Variants in NAV3 observed in about 807,000 individuals in gnomAD.
NAV3 encodes the protein neuron navigator 3, also known as pore membrane and/or filament interacting like protein 1.
NAV3 carries 87 observed loss-of-function variants against 244.7 expected under a neutral mutation model. The ratio of observed to expected loss-of-function variants is 0.36; its 90% CI spans 0.30 to 0.42. The LOEUF (loss-of-function observed/expected upper bound fraction) is 0.42, where lower values mean the gene tolerates loss of function less well. Ranked by LOEUF, NAV3 falls within the 20% of genes least tolerant of loss-of-function variation. The pLI, the probability that NAV3 is intolerant of heterozygous loss-of-function variation, is 1.00. For synonymous variants in NAV3, 1,126 were observed against 1,042.2 expected, an observed-to-expected ratio of 1.08 and a Z score of -1.55; for missense variants, 2,663 against 2,893.3, an observed-to-expected ratio of 0.92 and a Z score of 1.83.
chr12:77,609,377 T>A lies in NAV3; in HGVS notation c.72+37111T>A, dbSNP rs149126935. Among the ~76,000 whole-genome samples the A allele has an allele frequency of 5.0e-3, 759 of 152,184 alleles. 3 individuals are homozygous for A. The highest frequency in any genetic ancestry group is 8.2e-3 in the Non-Finnish European group (560 of 67,988). On this transcript the variant is annotated intron_variant, in intron 2 of 8. Transcript: ENST00000550042. Reference sequence around the variant, plus strand: ...TACAAAGCAATATTACCTGGAGAATTTTTTTCTATGGATTAAGAGACATCA... The same window carrying A: ...TACAAAGCAATATTACCTGGAGAATATTTTTCTATGGATTAAGAGACATCA...
At chr12:77,697,260 C>T (rs1269111522) in intron 2 of NAV3, among the ~76,000 whole-genome samples, 1 of 152,146 alleles carries the variant, frequency 6.6e-6, no homozygotes, top group Non-Finnish European at 1.5e-5. Context: ...TCATCCACCC[C>T]CCTCTTCCTT....
intron 20 of NAV3, among the ~76,000 whole-genome samples, chr12:78,144,066 G>C (rs1424519133): frequency 6.6e-6 from 1 of 152,110 alleles, no homozygotes; most frequent in East Asian, 1.9e-4. Context: ...TATTAGCCTT[G>C]TCCTGTTAGG....
At chr12:77,687,029 A>T (rs1245369201) in intron 2 of NAV3, among the ~76,000 whole-genome samples, 2 of 152,088 alleles carry the variant, frequency 1.3e-5, no homozygotes, top group Non-Finnish European at 2.9e-5. Flanking sequence ...CTTCTGGGCA[A>T]GTTATATTAA....
At chr12:78,054,107 C>T (rs1409774383) in intron 11 of NAV3, among the ~76,000 whole-genome samples, 1 of 152,000 alleles carries the variant, frequency 6.6e-6, no homozygotes, top group Non-Finnish European at 1.5e-5. Context: ...AAGTACTAAA[C>T]CCTCACATGA....
At chr12:77,580,127 C>G (rs1869283282) in intron 2 of NAV3, among the ~76,000 whole-genome samples, 1 of 152,050 alleles carries the variant, frequency 6.6e-6, no homozygotes, top group East Asian at 1.9e-4. Flanking sequence ...TTAGATTTCC[C>G]TCTCCAAACT....
Position 77,843,397 on chromosome 12 carries a change from T to TTGTG in NAV3, c.243+11713_243+11716dup, listed in dbSNP as rs58382126. ...AACTTTCCTTGTTTTTGTTAATCAT[T>TTGTG]TGTGTGTGTGTGTGTGTGTGTGTTT... On this transcript the variant is annotated intron_variant, in intron 1 of 39. Transcript: ENST00000397909. Among the ~76,000 whole-genome samples, 54 of 147,926 alleles carry TTGTG rather than the reference T, an allele frequency of 3.7e-4. 1 individual carries two copies. Among genetic ancestry groups the TTGTG allele is most frequent in the Admixed American group, 1.1e-3 (17 of 14,900 alleles).
intron 1 of NAV3, among the ~76,000 whole-genome samples, chr12:77,907,633 A>C (rs1886130521): frequency 6.6e-6 from 1 of 152,114 alleles, no homozygotes; most frequent in African/African-American, 2.4e-5. Flanking sequence ...GAAGGAGAAA[A>C]GACTTTTATA....
At position 77,831,195 on chromosome 12, in the gene NAV3, C is replaced by CAGAGAGAGAGAGAGAGAGAG. The variant is rs71088342; in HGVS notation, c.-263_-244dup. On this transcript the variant is annotated 5_prime_UTR_variant, in exon 1 of 40. Transcript: ENST00000397909. ...AGAGAGAGAGAGAGAGAGAGAGAGACAGAGAGAGAGAGAGAGAGAGAGAAA... is the reference window on the plus strand; with the variant it reads ...AGAGAGAGAGAGAGAGAGAGAGAGACAGAGAGAGAGAGAGAGAGAGAGAGAGAGAGAGAGAGAGAGAGAAA... The CAGAGAGAGAGAGAGAGAGAG allele has an allele frequency of 2.1e-5, 3 of 143,160 alleles. No homozygotes were observed. Among genetic ancestry groups the CAGAGAGAGAGAGAGAGAGAG allele is most frequent in the Admixed American group, 7.6e-5 (1 of 13,234 alleles). 8.9% of individuals were successfully genotyped at this position (143,160 alleles called of 1,614,324 possible).
chr12:78,155,974 C>A (rs1397163854), intron 22 of NAV3, among the ~76,000 whole-genome samples: 1 of 152,122 alleles, frequency 6.6e-6, no homozygotes, highest in African/African-American at 2.4e-5. Context: ...ATGATAGTTT[C>A]TTTTGCTATG....
At chr12:77,727,165 T>A (rs1876916638) in intron 2 of NAV3, among the ~76,000 whole-genome samples, 1 of 151,878 alleles carries the variant, frequency 6.6e-6, no homozygotes. Flanking sequence ...ATGATTCCAT[T>A]TACTAGGACT....
chr12:77,793,269 A>G (rs893324533), intron 2 of NAV3, among the ~76,000 whole-genome samples: 3 of 152,192 alleles, frequency 2.0e-5, no homozygotes, highest in Non-Finnish European at 4.4e-5. Flanking sequence ...TTTGCTTAAG[A>G]TTTGAAAAAG....
At chr12:78,034,013 A>G (rs1242745141) in intron 9 of NAV3, among the ~76,000 whole-genome samples, 2 of 152,244 alleles carry the variant, frequency 1.3e-5, no homozygotes, top group East Asian at 1.9e-4. Context: ...GCTGTAACAA[A>G]CAGAGTGGAC....
At chr12:77,982,487 A>T (rs1253996826) in intron 5 of NAV3, among the ~76,000 whole-genome samples, 1 of 152,180 alleles carries the variant, frequency 6.6e-6, no homozygotes, top group Non-Finnish European at 1.5e-5. Context: ...CTCAGTGATC[A>T]AAGTTAGAGG....
intron 3 of NAV3, among the ~76,000 whole-genome samples, chr12:77,947,919 T>C (rs1890513209): frequency 1.3e-5 from 2 of 152,048 alleles, no homozygotes; most frequent in Admixed American, 1.3e-4. Flanking sequence ...GTGTGTTTTG[T>C]TAAAAGAACA....
chr12:77,945,533 T>A (rs961063053), intron 3 of NAV3, among the ~76,000 whole-genome samples: 7 of 152,304 alleles, frequency 4.6e-5, no homozygotes, highest in African/African-American at 1.7e-4. Context: ...TAGGGTATAA[T>A]GTACTATATT....
At chr12:77,806,425 C>T (rs1482522991) in intron 2 of NAV3, among the ~76,000 whole-genome samples, 2 of 152,004 alleles carry the variant, frequency 1.3e-5, no homozygotes, top group East Asian at 1.9e-4. Flanking sequence ...TGTTATTTAC[C>T]CAGTAGTCAT....
intron 20 of NAV3, among the ~76,000 whole-genome samples, chr12:78,141,355 C>T (rs1565711924): frequency 6.6e-6 from 1 of 152,076 alleles, no homozygotes; most frequent in African/African-American, 2.4e-5. Flanking sequence ...ATGAGTGAGT[C>T]TTTTTAGAGC....
At chr12:78,139,110 A>G (rs758634696) in intron 19 of NAV3, among the ~76,000 whole-genome samples, 1 of 152,026 alleles carries the variant, frequency 6.6e-6, no homozygotes, top group Non-Finnish European at 1.5e-5. Context: ...TTTTTTAAAT[A>G]ATTGACTCAA....
chr12:77,954,584 C>T (rs1401160328), intron 3 of NAV3, among the ~76,000 whole-genome samples: 2 of 152,130 alleles, frequency 1.3e-5, no homozygotes, highest in Admixed American at 1.3e-4. Flanking sequence ...GAGTAAATAG[C>T]ATACTTGCTT....
Sources: allele counts gnomAD v4.1 joint callset (sites outside exome capture counted in the v4.1 genomes callset), GRCh38; gene constraint gnomAD v4.1.1; transcripts MANE v1.5; gene names NCBI Gene and HGNC (gene_info 2026-07-23, HGNC 2026-07-21).